The following HS6ST3 variants were observed in gnomAD, a reference collection of about 807,000 sequenced individuals.
The protein encoded by HS6ST3 is heparan-sulfate 6-O-sulfotransferase 3.
HS6ST3 carries 12 observed loss-of-function variants against 36.7 expected under a neutral mutation model. That is an observed-to-expected ratio of 0.33 (90% CI 0.21 to 0.53). The LOEUF (loss-of-function observed/expected upper bound fraction) is 0.53, where lower values mean the gene tolerates loss of function less well. Among genes scored for constraint, HS6ST3 ranks in the 20% least tolerant of loss-of-function variants. The probability of loss-of-function intolerance (pLI) is 0.95; values close to 1 mark genes in which losing one functional copy is unlikely to be tolerated. For missense variants in HS6ST3, 584 were observed against 640.9 expected, an observed-to-expected ratio of 0.91 and a Z score of 0.96; for synonymous variants, 240 against 257.5, an observed-to-expected ratio of 0.93 and a Z score of 0.65.
chr13:96,541,166 G>A (rs566730099), intron 1 of HS6ST3, among the ~76,000 whole-genome samples: 18 of 152,194 alleles, frequency 1.2e-4, no homozygotes, highest in African/African-American at 4.3e-4. Flanking sequence ...CCAAGTAGCT[G>A]GGATCACAGG....
chr13:96,512,023 A>G (rs746365534), intron 1 of HS6ST3, among the ~76,000 whole-genome samples: 1 of 152,164 alleles, frequency 6.6e-6, no homozygotes, highest in African/African-American at 2.4e-5. Flanking sequence ...ACAAAATTAC[A>G]TCTAGAAACT....
intron 1 of HS6ST3, among the ~76,000 whole-genome samples, chr13:96,340,389 C>A (rs1474505701): frequency 6.6e-6 from 1 of 152,234 alleles, no homozygotes. Flanking sequence ...ATTAACTTCT[C>A]TCAGCTACAT....
intron 1 of HS6ST3, among the ~76,000 whole-genome samples, chr13:96,605,418 T>G (rs2056435225): frequency 6.6e-6 from 1 of 152,120 alleles, no homozygotes; most frequent in African/African-American, 2.4e-5. Flanking sequence ...TTTATATCTT[T>G]TTTTCTGTTG....
intron 1 of HS6ST3, among the ~76,000 whole-genome samples, chr13:96,156,580 C>T (rs747798127): frequency 1.3e-5 from 2 of 152,140 alleles, no homozygotes; most frequent in Non-Finnish European, 2.9e-5. Flanking sequence ...AGGGCAGTGT[C>T]GGCCACCATG....
chr13:96,218,792 T>G (rs2054440342), intron 1 of HS6ST3, among the ~76,000 whole-genome samples: 1 of 152,164 alleles, frequency 6.6e-6, no homozygotes, highest in Non-Finnish European at 1.5e-5. Context: ...AGTCTCTGTG[T>G]GTACCATTCT....
At chr13:96,463,126 A>G (rs563101009) in intron 1 of HS6ST3, among the ~76,000 whole-genome samples, 24 of 152,160 alleles carry the variant, frequency 1.6e-4, no homozygotes, top group Non-Finnish European at 3.2e-4. Context: ...TTGTAACTAG[A>G]CGAACTGTTT....
chr13:96,143,433 A>G (rs911005700), intron 1 of HS6ST3, among the ~76,000 whole-genome samples: 3 of 148,330 alleles, frequency 2.0e-5, no homozygotes, highest in African/African-American at 7.3e-5. Flanking sequence ...GCAAATATAT[A>G]AATATATGTT....
At chr13:96,320,581 G>A (rs1015435904) in intron 1 of HS6ST3, among the ~76,000 whole-genome samples, 1 of 152,202 alleles carries the variant, frequency 6.6e-6, no homozygotes, top group African/African-American at 2.4e-5. Flanking sequence ...GGATTAAGAT[G>A]ACACTCACCA....
chr13:96,284,117 C>T (rs2054788602), intron 1 of HS6ST3, among the ~76,000 whole-genome samples: 1 of 152,080 alleles, frequency 6.6e-6, no homozygotes, highest in South Asian at 2.1e-4. Context: ...CAATGATGAG[C>T]AATGCTTTTA....
chr13:96,171,021 A>T (rs928030079), intron 1 of HS6ST3, among the ~76,000 whole-genome samples: 17 of 152,276 alleles, frequency 1.1e-4, no homozygotes, highest in African/African-American at 4.1e-4. Context: ...GGTCATGCTG[A>T]TAAGTGGAAC....
chr13:96,561,708 A>T (rs1459499940), intron 1 of HS6ST3, among the ~76,000 whole-genome samples: 5 of 152,168 alleles, frequency 3.3e-5, no homozygotes, highest in Admixed American at 6.5e-5. Context: ...TCATTAAAAA[A>T]TAAGCAAAGG....
chr13:96,704,021 T>A (rs1353739064), intron 1 of HS6ST3, among the ~76,000 whole-genome samples: 2 of 152,220 alleles, frequency 1.3e-5, no homozygotes, highest in Non-Finnish European at 2.9e-5. Context: ...CATGTAGAAC[T>A]GTGAGTCAAT....
At chr13:96,774,850 C>T (rs970667806) in intron 1 of HS6ST3, among the ~76,000 whole-genome samples, 2 of 152,108 alleles carry the variant, frequency 1.3e-5, no homozygotes, top group African/African-American at 4.8e-5. Context: ...AGATACTCCT[C>T]AAGAAGAGCA....
intron 1 of HS6ST3, among the ~76,000 whole-genome samples, chr13:96,242,434 G>C (rs1011160608): frequency 2.0e-5 from 3 of 151,662 alleles, no homozygotes; most frequent in Non-Finnish European, 4.4e-5. Context: ...ACCCAGGCTG[G>C]TCTTGAACCC....
At chr13:96,499,241 G>A (rs1299337859) in intron 1 of HS6ST3, among the ~76,000 whole-genome samples, 1 of 152,020 alleles carries the variant, frequency 6.6e-6, no homozygotes, top group African/African-American at 2.4e-5. Flanking sequence ...GGCCAGGGTG[G>A]TCTCAAACTC....
chr13:96,101,638 C>A (rs2053818810), intron 1 of HS6ST3, among the ~76,000 whole-genome samples: 1 of 152,000 alleles, frequency 6.6e-6, no homozygotes, highest in Non-Finnish European at 1.5e-5. Flanking sequence ...CACTGTTCAA[C>A]ATATATATTT....
chr13:96,343,154 C>G (rs1180723359), intron 1 of HS6ST3, among the ~76,000 whole-genome samples: 1 of 152,226 alleles, frequency 6.6e-6, no homozygotes, highest in Non-Finnish European at 1.5e-5. Flanking sequence ...CACTTGCTAT[C>G]TTGCTACCCT....
chr13:96,768,296 A>G (rs532160626), intron 1 of HS6ST3, among the ~76,000 whole-genome samples: 3 of 152,188 alleles, frequency 2.0e-5, no homozygotes, highest in African/African-American at 4.8e-5. Context: ...TGGATATTAT[A>G]TATGCAAAAG....
intron 1 of HS6ST3, among the ~76,000 whole-genome samples, chr13:96,814,121 C>T (rs550932221): frequency 6.6e-6 from 1 of 152,174 alleles, no homozygotes; most frequent in South Asian, 2.1e-4. Flanking sequence ...AAATCTTTTC[C>T]TTGCAGACTG....
Sources: gnomAD v4.1 joint callset for allele counts (sites outside exome capture counted in the v4.1 genomes callset) on GRCh38, gnomAD v4.1.1 for gene constraint, MANE v1.5 for transcripts, NCBI Gene and HGNC (gene_info 2026-07-23, HGNC 2026-07-21) for gene names.